The following MAPRE1 variants were observed in gnomAD, a reference collection of about 807,000 sequenced individuals.
MAPRE1 encodes the protein microtubule-associated protein RP/EB family member 1.
A neutral mutation model predicts 32.1 loss-of-function variants in MAPRE1; 5 were observed. The ratio of observed to expected loss-of-function variants is 0.16; its 90% CI spans 0.08 to 0.33. The LOEUF is 0.33. MAPRE1 is among the 10% of genes least tolerant of loss of function. MAPRE1 has a pLI of 1.00. For synonymous variants in MAPRE1, 122 were observed against 118.9 expected (o/e 1.03, Z -0.17); for missense variants, 209 against 327.2 (o/e 0.64, Z 2.79).
At chr20:32,820,702 C>G (rs1773320552) in intron 1 of MAPRE1, among the ~76,000 whole-genome samples, 1 of 152,094 alleles carries the variant, frequency 6.6e-6, no homozygotes, top group African/African-American at 2.4e-5. Flanking sequence ...TCCAGGAATC[C>G]ACATTATGAT....
chr20:32,847,622 G>C (rs536082570), intron 6 of MAPRE1, among the ~76,000 whole-genome samples: 126 of 152,220 alleles, frequency 8.3e-4, no homozygotes, highest in Middle Eastern at 3.4e-3. Flanking sequence ...GCTATGTAAT[G>C]AAAAAAAGAC....
At chr20:32,829,273 A>G (rs931057718) in intron 2 of MAPRE1, among the ~76,000 whole-genome samples, 3 of 152,140 alleles carry the variant, frequency 2.0e-5, no homozygotes, top group Non-Finnish European at 4.4e-5. Flanking sequence ...TTCTCCCTAG[A>G]AAAGGGTAAG....
intron 5 of MAPRE1, among the ~76,000 whole-genome samples, chr20:32,842,064 TTTTA>T (rs1275437545): frequency 4.6e-5 from 7 of 151,822 alleles, no homozygotes; most frequent in South Asian, 2.1e-4. Flanking sequence ...GTAGCCAACA[TTTTA>T]TTTATTTATT....
chr20:32,841,545 C>A (rs1395225980), intron 5 of MAPRE1, among the ~76,000 whole-genome samples: 2 of 151,470 alleles, frequency 1.3e-5, no homozygotes, highest in Admixed American at 1.3e-4. Context: ...ATACATGTGC[C>A]ATGCTGGTGC....
At chr20:32,843,463 G>A (rs1056764857) in intron 5 of MAPRE1, 1 of 152,174 alleles carries the variant, frequency 6.6e-6, no homozygotes, top group South Asian at 2.1e-4. Flanking sequence ...GAAGGTAGAA[G>A]GTGAGTCAGA....
intron 5 of MAPRE1, among the ~76,000 whole-genome samples, chr20:32,840,972 C>T (rs920195057): frequency 1.3e-5 from 2 of 152,134 alleles, no homozygotes; most frequent in African/African-American, 2.4e-5. Context: ...TGCGCCACCA[C>T]GCCTGGCTGA....
intron 5 of MAPRE1, among the ~76,000 whole-genome samples, chr20:32,844,615 T>G (rs1983454591): frequency 6.6e-6 from 1 of 152,078 alleles, no homozygotes; most frequent in Non-Finnish European, 1.5e-5. Flanking sequence ...GGATTCACCA[T>G]GTTGGCCAGG....
rs1159620955 is a variant in MAPRE1, at chr20:32,836,791, T to C, written c.425T>C (p.Val142Ala). 1 of 1,614,194 alleles carries C rather than the reference T, an allele frequency of 6.2e-7. No individual in the cohort carries two copies. Among genetic ancestry groups the C allele is most frequent in the South Asian group, 1.1e-5 (1 of 91,078 alleles). The change falls in exon 4 of 7, where the codon GTT (valine) becomes GCT (alanine). Residue 142 changes from valine (V) to alanine (A), a missense_variant. By Grantham distance (64) the Val-to-Ala change is moderately conservative (BLOSUM62 0). This residue lies in a region of MAPRE1 where 106 missense variants were observed against 115.3 expected (regional missense o/e 0.92). Transcript: ENST00000375571. ...GAAACTGCAGTGGCTCCTTCCCTTG[T>C]TGCTCCAGCTCTGAATAAACCGAAG... ...GQETAVAPSL[V>A]APALNKPKKP...
At chr20:32,840,647 T>C (rs1462573306) in intron 5 of MAPRE1, among the ~76,000 whole-genome samples, 1 of 151,088 alleles carries the variant, frequency 6.6e-6, no homozygotes, top group Non-Finnish European at 1.5e-5. Context: ...TCTGGGATGC[T>C]CTGTGATTCC....
At chr20:32,826,422 G>A (rs1365806020) in intron 2 of MAPRE1, among the ~76,000 whole-genome samples, 3 of 148,300 alleles carry the variant, frequency 2.0e-5, no homozygotes, top group African/African-American at 5.0e-5. Context: ...GGGTTTCACC[G>A]TGTTAGCCAG....
intron 1 of MAPRE1, among the ~76,000 whole-genome samples, chr20:32,820,965 T>C (rs548243438): frequency 1.3e-5 from 2 of 152,230 alleles, no homozygotes; most frequent in East Asian, 3.9e-4. Flanking sequence ...TGTTAAGTGC[T>C]CCATGTGGCT....
rs535495044 is a variant in MAPRE1, at chr20:32,829,349, G to A, written c.121+3301G>A. 2.9e-4 allele frequency among the ~76,000 whole-genome samples: 44 copies of A among 152,296 alleles called. No homozygotes were observed. In the South Asian group the frequency reaches 6.8e-3, roughly 24 times the overall value. ...TTCATAACTAGTCTTCTTGAAAGCC[G>A]TATAAGATGTCTCTTGGAGTATGTA... On this transcript the variant is annotated intron_variant, in intron 2 of 6. Coordinates refer to ENST00000375571, the MANE Select transcript of MAPRE1 (RefSeq NM_012325.3).
chr20:32,829,394 A>G (rs1159404334), intron 2 of MAPRE1, among the ~76,000 whole-genome samples: 2 of 152,198 alleles, frequency 1.3e-5, no homozygotes, highest in Non-Finnish European at 2.9e-5. Flanking sequence ...ATTGTGTTTC[A>G]CATTGGTGTT....
At chr20:32,830,690 G>A (rs539475712) in intron 2 of MAPRE1, among the ~76,000 whole-genome samples, 1 of 151,790 alleles carries the variant, frequency 6.6e-6, no homozygotes, top group Admixed American at 6.6e-5. Flanking sequence ...CTTTCTGAGG[G>A]ACTGGTTTTA....
chr20:32,838,037 C>T (rs975775574), intron 4 of MAPRE1, among the ~76,000 whole-genome samples: 4 of 152,134 alleles, frequency 2.6e-5, no homozygotes, highest in African/African-American at 7.2e-5. Flanking sequence ...GAGCCAAGAT[C>T]GCACCACTAC....
At chr20:32,821,343 A>G (rs559383281) in intron 1 of MAPRE1, among the ~76,000 whole-genome samples, 1 of 152,300 alleles carries the variant, frequency 6.6e-6, no homozygotes, top group African/African-American at 2.4e-5. Context: ...TTTACAAATA[A>G]GGGGTCTGAG....
At position 32,826,033 on chromosome 20, in the gene MAPRE1, G is replaced by A. The variant is rs753378763; in HGVS notation, c.106G>A (p.Glu36Lys). ...TCTGCAGTTGAATCTGACAAAGATCGAACAGTTGTGCTCAGGTAAGAGAAA... is the reference window on the plus strand; with the variant it reads ...TCTGCAGTTGAATCTGACAAAGATCAAACAGTTGTGCTCAGGTAAGAGAAA... ...ESLQLNLTKI[E>K]QLCSGAAYCQ... is the part of the protein sequence containing the mutation. The change falls in exon 2 of 7, where the codon GAA becomes AAA. Residue 36 changes from glutamate to lysine, a missense_variant. By Grantham distance (56) the Glu-to-Lys change is moderately conservative. Coordinates refer to ENST00000375571, the MANE Select transcript of MAPRE1 (RefSeq NM_012325.3). The A allele has an allele frequency of 6.2e-7, 1 of 1,605,072 alleles. No homozygotes were observed. The highest frequency in any genetic ancestry group is 1.1e-5 in the South Asian group (1 of 90,444).
intron 6 of MAPRE1, among the ~76,000 whole-genome samples, chr20:32,847,260 C>G (rs1983529680): frequency 6.6e-6 from 1 of 152,186 alleles, no homozygotes; most frequent in Non-Finnish European, 1.5e-5. Context: ...TCAAAGTACT[C>G]TATGATCAAG....
chr20:32,848,741 G>A lies in MAPRE1; in HGVS notation c.*13G>A. The A allele has an allele frequency of 6.2e-7, 1 of 1,607,176 alleles. No homozygotes were observed. The highest frequency in any genetic ancestry group is 1.7e-5 in the Admixed American group (1 of 58,970). On this transcript the variant is annotated 3_prime_UTR_variant, in exon 7 of 7. Coordinates refer to ENST00000375571, the MANE Select transcript of MAPRE1 (RefSeq NM_012325.3). ...AGAAGAGTATTAACAGCCTGGACCAGCAGAGCAACATCGGAATTCTTCACT... is the reference window on the plus strand; with the variant it reads ...AGAAGAGTATTAACAGCCTGGACCAACAGAGCAACATCGGAATTCTTCACT...
Sources: allele counts gnomAD v4.1 joint callset (sites outside exome capture counted in the v4.1 genomes callset), GRCh38; gene constraint gnomAD v4.1.1; regional missense constraint gnomAD v4.1.1; transcripts MANE v1.5; gene names NCBI Gene and HGNC (gene_info 2026-07-23, HGNC 2026-07-21).